SMIM14: variants seen among roughly 807,000 people sequenced by gnomAD.
The protein encoded by SMIM14 is small integral membrane protein 14.
SMIM14 carries 5 observed loss-of-function variants against 12.6 expected under a neutral mutation model. The ratio of observed to expected loss-of-function variants is 0.40; its 90% CI spans 0.21 to 0.83. The LOEUF (loss-of-function observed/expected upper bound fraction) is 0.83, where lower values mean the gene tolerates loss of function less well. Ranked by LOEUF, SMIM14 falls within the 40% of genes least tolerant of loss-of-function variation. The pLI, the probability that SMIM14 is intolerant of heterozygous loss-of-function variation, is 0.37. For missense variants in SMIM14, 86 were observed against 119.1 expected (o/e 0.72, Z 1.29); for synonymous variants, 30 against 40.1 (o/e 0.75, Z 0.95).
intron 2 of SMIM14, among the ~76,000 whole-genome samples, chr4:39,591,938 A>C (rs1387064666): frequency 6.6e-6 from 1 of 152,168 alleles, no homozygotes; most frequent in African/African-American, 2.4e-5. Context: ...TCACGACTGT[A>C]ATCTTAGCAC....
chr4:39,616,688 C>T (rs1025852086), intron 1 of SMIM14, among the ~76,000 whole-genome samples: 3 of 149,026 alleles, frequency 2.0e-5, no homozygotes, highest in African/African-American at 7.3e-5. Flanking sequence ...AAGCAGGATT[C>T]TAAGGACCCA....
intron 1 of SMIM14, among the ~76,000 whole-genome samples, chr4:39,631,824 T>C (rs534149010): frequency 2.0e-5 from 3 of 152,278 alleles, no homozygotes; most frequent in East Asian, 3.9e-4. Flanking sequence ...CTTGTAATAC[T>C]TGTCAATGAG....
chr4:39,629,449 AT>A (rs10686216), intron 1 of SMIM14, among the ~76,000 whole-genome samples: 142 of 129,890 alleles, frequency 1.1e-3, no homozygotes, highest in African/African-American at 1.2e-3. Context: ...CTTATAAATG[AT>A]TTTTTTTTTT....
chr4:39,556,600 C>T (rs746826174), intron 3 of SMIM14, 30 bp from the exon 4 acceptor site: 2 of 1,554,284 alleles, frequency 1.3e-6, no homozygotes, highest in East Asian at 2.3e-5. Context: ...GTAGCATGCT[C>T]ACAATATTGT....
At chr4:39,598,792 T>C (rs1714479301) in intron 2 of SMIM14, among the ~76,000 whole-genome samples, 1 of 152,152 alleles carries the variant, frequency 6.6e-6, no homozygotes, top group South Asian at 2.1e-4. Context: ...CACCAGGTAT[T>C]CTACCAATTC....
At chr4:39,555,126 G>A (rs556838801) in intron 4 of SMIM14, among the ~76,000 whole-genome samples, 2 of 151,250 alleles carry the variant, frequency 1.3e-5, no homozygotes, top group African/African-American at 2.4e-5. Context: ...ATGAGCCACC[G>A]CGCCCGGCCT....
rs773137568 is a variant in SMIM14, at chr4:39,552,086, G to A, written c.*40C>T. The A allele has an allele frequency of 1.1e-5, 17 of 1,556,582 alleles. No individual in the cohort carries two copies. The highest frequency in any genetic ancestry group is 1.7e-4 in the Middle Eastern group (1 of 5,886). Reference sequence around the variant, plus strand: ...TCTGGTCATCTTCGTTCGTTTGGTCGTGCAAGGTGTTAACTATTTTCACTT... The same window carrying A: ...TCTGGTCATCTTCGTTCGTTTGGTCATGCAAGGTGTTAACTATTTTCACTT... On this transcript the variant is annotated 3_prime_UTR_variant, in exon 5 of 5. Transcript: ENST00000295958.
intron 2 of SMIM14, among the ~76,000 whole-genome samples, chr4:39,603,235 C>A (rs1714682123): frequency 6.6e-6 from 1 of 152,138 alleles, no homozygotes; most frequent in African/African-American, 2.4e-5. Context: ...TAATAATGGT[C>A]AAATTTTTCC....
At chr4:39,613,435 G>A (rs1486390988) in intron 1 of SMIM14, among the ~76,000 whole-genome samples, 1 of 152,138 alleles carries the variant, frequency 6.6e-6, no homozygotes, top group Non-Finnish European at 1.5e-5. Context: ...TCAGTTAACA[G>A]TTTCCATTTT....
chr4:39,557,931 G>T (rs767644369), intron 3 of SMIM14, among the ~76,000 whole-genome samples: 18 of 152,062 alleles, frequency 1.2e-4, no homozygotes, highest in African/African-American at 3.1e-4. Flanking sequence ...CAAAGGAGTT[G>T]AATTCAGATC....
At chr4:39,613,750 T>C (rs891602034) in intron 1 of SMIM14, among the ~76,000 whole-genome samples, 7 of 152,210 alleles carry the variant, frequency 4.6e-5, no homozygotes, top group African/African-American at 1.4e-4. Flanking sequence ...CTCCCCGATA[T>C]ATATCGCTAA....
At chr4:39,630,875 A>G (rs1329638090) in intron 1 of SMIM14, among the ~76,000 whole-genome samples, 1 of 151,968 alleles carries the variant, frequency 6.6e-6, no homozygotes, top group Non-Finnish European at 1.5e-5. Flanking sequence ...GTCAAAAAAA[A>G]AAAAAAAGAA....
chr4:39,589,496 A>T (rs1713949305), intron 2 of SMIM14: 1 of 152,240 alleles, frequency 6.6e-6, no homozygotes, highest in East Asian at 1.9e-4. Context: ...GATTACCTGC[A>T]TTCCAAAATC....
intron 1 of SMIM14, among the ~76,000 whole-genome samples, chr4:39,624,812 T>C (rs983052953): frequency 2.1e-5 from 2 of 93,832 alleles, no homozygotes; most frequent in African/African-American, 8.1e-5. Context: ...CAAGACACCA[T>C]CTCGAAAAAA....
intron 3 of SMIM14, among the ~76,000 whole-genome samples, chr4:39,560,014 CAGGAGGCTG>C (rs1712221141): frequency 6.6e-6 from 1 of 151,698 alleles, no homozygotes; most frequent in African/African-American, 2.4e-5. Flanking sequence ...CCCAGCTACT[CAGGAGGCTG>C]AGGTGGGAGG....
chr4:39,612,044 C>T (rs1715055580), intron 1 of SMIM14: 1 of 151,640 alleles, frequency 6.6e-6, no homozygotes, highest in African/African-American at 2.4e-5. Context: ...GCTCACTTTC[C>T]AGAAGGTAAG....
chr4:39,624,826 A>AC, intron 1 of SMIM14, among the ~76,000 whole-genome samples: 1 of 151,482 alleles, frequency 6.6e-6, no homozygotes, highest in East Asian at 1.9e-4. Flanking sequence ...GAAAAAAAAA[A>AC]AAAAAAAACT....
intron 3 of SMIM14, among the ~76,000 whole-genome samples, chr4:39,557,241 A>T (rs1712064181): frequency 6.6e-6 from 1 of 151,834 alleles, no homozygotes; most frequent in Non-Finnish European, 1.5e-5. Context: ...CGAACTCCTG[A>T]CCTCAGGTGA....
At chr4:39,570,193 C>G (rs1712814052) in intron 3 of SMIM14, among the ~76,000 whole-genome samples, 1 of 151,836 alleles carries the variant, frequency 6.6e-6, no homozygotes, top group Non-Finnish European at 1.5e-5. Flanking sequence ...GAGAGTCTCG[C>G]CCTGTCACCC....
Sources: allele counts gnomAD v4.1 joint callset (sites outside exome capture counted in the v4.1 genomes callset), GRCh38; gene constraint gnomAD v4.1.1; transcripts MANE v1.5; gene names NCBI Gene and HGNC (gene_info 2026-07-23, HGNC 2026-07-21).